EYS: variants seen among roughly 807,000 people sequenced by gnomAD.
EYS encodes EGF-like photoreceptor maintenance factor, also known as protein eyes shut homolog.
EYS carries 250 observed loss-of-function variants against 282.1 expected under a neutral mutation model. The observed-to-expected ratio is 0.89, with a 90% CI of 0.80 to 0.98. EYS has a LOEUF of 0.98. Ranked by LOEUF, EYS falls within the 50% of genes least tolerant of loss-of-function variation. The probability of loss-of-function intolerance (pLI) is 0.00; values close to 1 mark genes in which losing one functional copy is unlikely to be tolerated. For missense variants in EYS, 4,016 were observed against 3,709.0 expected, an observed-to-expected ratio of 1.08 and a Z score of -2.15; for synonymous variants, 1,355 against 1,282.9, an observed-to-expected ratio of 1.06 and a Z score of -1.20.
At chr6:64,088,069 A>G (rs1345153144) in intron 31 of EYS, among the ~76,000 whole-genome samples, 1 of 152,068 alleles carries the variant, frequency 6.6e-6, no homozygotes, top group Non-Finnish European at 1.5e-5. Flanking sequence ...AATTATAAGC[A>G]ATAAACATTT....
chr6:63,920,285 A>G (rs934784296), intron 35 of EYS, among the ~76,000 whole-genome samples: 3 of 151,872 alleles, frequency 2.0e-5, no homozygotes, highest in African/African-American at 7.3e-5. Flanking sequence ...ACCCTTCTCC[A>G]TTCCTCCCCT....
At chr6:63,859,075 GTTTTTTTTTTTTTTTTTTTTTT>G (rs745344580) in intron 36 of EYS, among the ~76,000 whole-genome samples, 2 of 47,914 alleles carry the variant, frequency 4.2e-5, no homozygotes, top group African/African-American at 1.1e-4. Context: ...GTCCTAGAGA[GTTTTTTTTTTTTTTTTTTTTTT>G]TTTTTTTTTT....
At chr6:64,723,087 G>GA (rs35150180) in intron 22 of EYS, among the ~76,000 whole-genome samples, 41,974 of 146,518 alleles carry the variant, frequency 0.29, 7,379 homozygotes, top group East Asian at 0.67. Flanking sequence ...AGGCCCTAAG[G>GA]AAAAAAAAAA....
intron 2 of EYS, among the ~76,000 whole-genome samples, chr6:65,618,430 T>C (rs1428570250): frequency 2.0e-5 from 3 of 152,254 alleles, no homozygotes; most frequent in Admixed American, 6.5e-5. Flanking sequence ...TTTGTTTGAG[T>C]TCATTGTAGA....
intron 35 of EYS, among the ~76,000 whole-genome samples, chr6:63,876,108 T>C (rs1430935241): frequency 1.3e-5 from 2 of 152,242 alleles, no homozygotes; most frequent in East Asian, 3.8e-4. Flanking sequence ...TGTGGGCATT[T>C]GGTGCTATAA....
intron 22 of EYS, among the ~76,000 whole-genome samples, chr6:64,799,035 T>C (rs536037115): frequency 2.0e-5 from 3 of 152,012 alleles, no homozygotes; most frequent in South Asian, 4.1e-4. Flanking sequence ...TTTTCTAAAA[T>C]ACAAATTTGA....
intron 30 of EYS, among the ~76,000 whole-genome samples, chr6:64,241,518 C>T (rs140430613): frequency 4.8e-4 from 72 of 151,020 alleles, no homozygotes; most frequent in African/African-American, 1.6e-3. Flanking sequence ...TTCTAGTTTG[C>T]GTAGTATTCT....
At position 64,920,075 on chromosome 6, in the gene EYS, A is replaced by AT. The variant is rs577968748; in HGVS notation, c.2382-7333dup. Among the ~76,000 whole-genome samples the AT allele has an allele frequency of 1.7e-3, 244 of 145,126 alleles. 2 individuals are homozygous for AT. The highest frequency in any genetic ancestry group is 0.013 in the South Asian group (60 of 4,544). On this transcript the variant is annotated intron_variant, in intron 15 of 42. Transcript: ENST00000503581. ...GATGCCATATAGTGAGATTAGTTTC[A>AT]TTTTTTTTTTTTGTCATTGTGGTCA...
intron 33 of EYS, among the ~76,000 whole-genome samples, chr6:64,004,357 TA>T (rs1162587928): frequency 1.4e-4 from 21 of 152,284 alleles, no homozygotes; most frequent in Non-Finnish European, 5.9e-5. Flanking sequence ...ACTAATATTT[TA>T]ATATACTTTC....
At chr6:65,649,482 A>T (rs935633555) in intron 1 of EYS, among the ~76,000 whole-genome samples, 8 of 152,206 alleles carry the variant, frequency 5.3e-5, no homozygotes, top group Non-Finnish European at 1.0e-4. Context: ...TTCATCAAAC[A>T]TATAATCATC....
chr6:64,965,651 T>C (rs1770070059), intron 14 of EYS, among the ~76,000 whole-genome samples: 1 of 152,092 alleles, frequency 6.6e-6, no homozygotes, highest in Non-Finnish European at 1.5e-5. Flanking sequence ...TCCCTAACTT[T>C]TTTCATTTAT....
In EYS at chr6:65,446,333, A is replaced by G. The variant is rs568289855; in HGVS notation, c.863-40966T>C. Among the ~76,000 whole-genome samples, 23 of 152,038 alleles carry G rather than the reference A, an allele frequency of 1.5e-4. No homozygotes were observed. In the East Asian group the frequency reaches 4.2e-3, roughly 28 times the overall value. On this transcript the variant is annotated intron_variant, in intron 5 of 42. Transcript: ENST00000503581. ...GCTAATTAATACTTTTTCATCAAGT[A>G]AAATTTTACCAGATAGTGTGTTTAA...
chr6:64,048,752 T>C (rs35074816), intron 33 of EYS, among the ~76,000 whole-genome samples: 32,567 of 151,968 alleles, frequency 0.21, 3,736 homozygotes, highest in Middle Eastern at 0.34. Flanking sequence ...CTGGTTTCTG[T>C]TTCCTCTGAT....
chr6:64,636,361 T>C (rs894589710), intron 22 of EYS, among the ~76,000 whole-genome samples: 2 of 152,262 alleles, frequency 1.3e-5, no homozygotes, highest in East Asian at 1.9e-4. Context: ...ATTTAACAAA[T>C]GGTGCTGGGA....
intron 12 of EYS, among the ~76,000 whole-genome samples, chr6:65,242,654 C>T (rs903924790): frequency 2.0e-5 from 3 of 152,156 alleles, no homozygotes; most frequent in East Asian, 3.9e-4. Flanking sequence ...ATTGATGGGT[C>T]ATATGATAAA....
intron 28 of EYS, among the ~76,000 whole-genome samples, chr6:64,421,391 G>A (rs1477027364): frequency 6.6e-6 from 1 of 152,114 alleles, no homozygotes; most frequent in Non-Finnish European, 1.5e-5. Context: ...AATTCAAGAT[G>A]AGATTTGGGT....
At chr6:65,094,661 T>C (rs1428976009) in intron 12 of EYS, among the ~76,000 whole-genome samples, 1 of 151,126 alleles carries the variant, frequency 6.6e-6, no homozygotes, top group Non-Finnish European at 1.5e-5. Context: ...TTAGAAACTA[T>C]CTCAAAATAG....
intron 41 of EYS, among the ~76,000 whole-genome samples, chr6:63,753,607 A>G (rs1159975796): frequency 6.6e-6 from 1 of 152,104 alleles, no homozygotes; most frequent in East Asian, 1.9e-4. Context: ...ATGAGAACTC[A>G]CTCATTATCA....
intron 29 of EYS, among the ~76,000 whole-genome samples, chr6:64,355,017 T>C (rs1771776793): frequency 6.6e-6 from 1 of 151,602 alleles, no homozygotes; most frequent in African/African-American, 2.4e-5. Flanking sequence ...TAATCTTTAC[T>C]TCATATGTTT....
Sources: allele counts gnomAD v4.1 joint callset (sites outside exome capture counted in the v4.1 genomes callset), GRCh38; gene constraint gnomAD v4.1.1; transcripts MANE v1.5; gene names NCBI Gene and HGNC (gene_info 2026-07-23, HGNC 2026-07-21).